The following PAPSS2 variants were observed in gnomAD, a reference collection of about 807,000 sequenced individuals.
PAPSS2 encodes 3'-phosphoadenosine 5'-phosphosulfate synthase 2.
PAPSS2 carries 61 observed loss-of-function variants against 66.5 expected under a neutral mutation model. That is an observed-to-expected ratio of 0.92 (90% confidence interval 0.75 to 1.14). PAPSS2 has a LOEUF of 1.14. Among genes scored for constraint, PAPSS2 ranks in the 50% most tolerant of loss-of-function variants. The pLI, the probability that PAPSS2 is intolerant of heterozygous loss-of-function variation, is 0.00. For synonymous variants in PAPSS2, 289 were observed against 287.5 expected, an observed-to-expected ratio of 1.01 and a Z score of -0.05; for missense variants, 708 against 789.6, an observed-to-expected ratio of 0.90 and a Z score of 1.24.
At chr10:87,737,882 C>T (rs1209570434) in intron 9 of PAPSS2, among the ~76,000 whole-genome samples, 4 of 152,092 alleles carry the variant, frequency 2.6e-5, no homozygotes, top group African/African-American at 4.8e-5. Flanking sequence ...TCCTCCAGCC[C>T]GTGGTAACTA....
At chr10:87,712,566 C>A (rs796744385) in intron 2 of PAPSS2, among the ~76,000 whole-genome samples, 1 of 152,142 alleles carries the variant, frequency 6.6e-6, no homozygotes, top group South Asian at 2.1e-4. Context: ...AGGGGTCTTC[C>A]TACCTCAGCC....
intron 1 of PAPSS2, among the ~76,000 whole-genome samples, chr10:87,661,835 T>C (rs1282042257): frequency 6.6e-6 from 1 of 152,228 alleles, no homozygotes; most frequent in African/African-American, 2.4e-5. Context: ...AACAGCTAAC[T>C]GAAATAGAAC....
intron 7 of PAPSS2, among the ~76,000 whole-genome samples, chr10:87,717,765 A>G (rs147157301): frequency 6.6e-6 from 1 of 152,148 alleles, no homozygotes; most frequent in African/African-American, 2.4e-5. Flanking sequence ...AGGTCTCACT[A>G]TGTTGCCCAG....
At chr10:87,680,795 C>T (rs557013849) in intron 1 of PAPSS2, among the ~76,000 whole-genome samples, 31 of 152,180 alleles carry the variant, frequency 2.0e-4, no homozygotes, top group Admixed American at 7.9e-4. Context: ...TCCTTCTCCT[C>T]GGTAACCATC....
intron 1 of PAPSS2, among the ~76,000 whole-genome samples, chr10:87,706,071 G>A (rs140306458): frequency 0.01 from 1,113 of 107,286 alleles, 37 homozygotes; most frequent in African/African-American, 0.042. Context: ...TGTGCTTTAC[G>A]TTTCTTCACA....
At chr10:87,728,876 C>T (rs1193334329) in intron 9 of PAPSS2, among the ~76,000 whole-genome samples, 2 of 152,068 alleles carry the variant, frequency 1.3e-5, no homozygotes, top group Non-Finnish European at 2.9e-5. Context: ...CTTTTAAGTC[C>T]CCTGTTTGTG....
chr10:87,684,996 C>A (rs1431668540), intron 1 of PAPSS2, among the ~76,000 whole-genome samples: 1 of 152,170 alleles, frequency 6.6e-6, no homozygotes. Flanking sequence ...GGTCACCAGG[C>A]TACACAGGGA....
At chr10:87,729,930 A>G (rs1564726178) in intron 9 of PAPSS2, among the ~76,000 whole-genome samples, 1 of 152,136 alleles carries the variant, frequency 6.6e-6, no homozygotes, top group Non-Finnish European at 1.5e-5. Flanking sequence ...CAGGAAGTGG[A>G]GGTTGCACTG....
At position 87,707,572 on chromosome 10, in the gene PAPSS2, T is replaced by C. The variant is rs200265440; in HGVS notation, c.28-1624T>C. The stretch of plus-strand genomic sequence containing the variant: ...TTTCATTTCTTTTTTTTCTTTTTTT[T>C]TTTTTTTTTTTTTTTGAGACAGGGT... On this transcript the variant is annotated intron_variant, in intron 1 of 12. Transcript: ENST00000456849. Among the ~76,000 whole-genome samples the C allele has an allele frequency of 2.0e-3, 286 of 140,988 alleles. 3 individuals are homozygous for C. The highest frequency in any genetic ancestry group is 2.2e-3 in the Admixed American group (31 of 14,274). 92.5% of individuals were successfully genotyped at this position (140,988 alleles called of 152,430 possible). A position where few individuals can be genotyped will look rare whatever the true frequency, so the allele number is the denominator to read the frequency against.
In PAPSS2 at chr10:87,734,663, GTATATATATATATATATATATATA is replaced by G. The variant is rs66686947; in HGVS notation, c.1087-6552_1087-6529del. Reference sequence around the variant, plus strand: ...TGATAGCACAGAAATGAATGTGTGTGTATATATATATATATATATATATATATATATATATATATATATGTATGT... The same window carrying G: ...TGATAGCACAGAAATGAATGTGTGTGTATATATATATATATATATGTATGT... On this transcript the variant is annotated intron_variant, in intron 9 of 12. Transcript: ENST00000456849. 1.2e-3 allele frequency among the ~76,000 whole-genome samples: 101 copies of G among 81,120 alleles called. 1 individual carries two copies. The highest frequency in any genetic ancestry group is 9.3e-3 in the Admixed American group (67 of 7,210). 53.2% of individuals were successfully genotyped at this position (81,120 alleles called of 152,430 possible). A position where few individuals can be genotyped will look rare whatever the true frequency, so the allele number is the denominator to read the frequency against.
intron 1 of PAPSS2, among the ~76,000 whole-genome samples, chr10:87,676,541 C>T (rs1852949406): frequency 8.8e-6 from 1 of 114,048 alleles, no homozygotes; most frequent in African/African-American, 2.8e-5. Flanking sequence ...TAGAATGGAT[C>T]AAATTAACTA....
chr10:87,738,961 C>A (rs1180376575), intron 9 of PAPSS2, among the ~76,000 whole-genome samples: 1 of 152,038 alleles, frequency 6.6e-6, no homozygotes, highest in African/African-American at 2.4e-5. Flanking sequence ...CAAATATTTT[C>A]TCTTTCTATA....
chr10:87,713,333 A>AAAAAG, intron 3 of PAPSS2, 23 bp downstream of exon 3: 1 of 1,231,350 alleles, frequency 8.1e-7, no homozygotes, highest in Non-Finnish European at 1.2e-6. Context: ...AAAAAAAAAA[A>AAAAAG]AGGCACTACA....
intron 1 of PAPSS2, chr10:87,703,831 T>C (rs373559047): frequency 2.9e-5 from 15 of 518,162 alleles, no homozygotes; most frequent in African/African-American, 2.3e-4. Flanking sequence ...TTGGGGTTTC[T>C]GGACCACTTC....
At chr10:87,698,796 C>T (rs1481647072) in intron 1 of PAPSS2, among the ~76,000 whole-genome samples, 4 of 152,102 alleles carry the variant, frequency 2.6e-5, no homozygotes, top group Admixed American at 2.0e-4. Context: ...TGAGGCAGGA[C>T]GATTGCTTGA....
At chr10:87,680,823 T>G (rs1161682887) in intron 1 of PAPSS2, among the ~76,000 whole-genome samples, 1 of 152,080 alleles carries the variant, frequency 6.6e-6, no homozygotes, top group East Asian at 1.9e-4. Context: ...ATCTTGCCGG[T>G]TTTTGAGCTT....
intron 7 of PAPSS2, among the ~76,000 whole-genome samples, chr10:87,717,956 G>A (rs1165343552): frequency 6.6e-5 from 10 of 152,164 alleles, no homozygotes; most frequent in Admixed American, 6.5e-4. Context: ...AAAATCTCTA[G>A]CCTTTCTTTT....
chr10:87,670,783 GCA>G (rs1852867114), intron 1 of PAPSS2, among the ~76,000 whole-genome samples: 1 of 152,270 alleles, frequency 6.6e-6, no homozygotes, highest in Non-Finnish European at 1.5e-5. Context: ...TGTTGTCTCT[GCA>G]CAGTTAGTCA....
chr10:87,669,300 T>C (rs776323123), intron 1 of PAPSS2, among the ~76,000 whole-genome samples: 3 of 152,230 alleles, frequency 2.0e-5, no homozygotes, highest in Non-Finnish European at 4.4e-5. Context: ...AGTTCAGTTT[T>C]ACCTCTAAAT....
Sources: gnomAD v4.1 joint callset for allele counts (sites outside exome capture counted in the v4.1 genomes callset) on GRCh38, gnomAD v4.1.1 for gene constraint, MANE v1.5 for transcripts, NCBI Gene and HGNC (gene_info 2026-07-23, HGNC 2026-07-21) for gene names.